NRXN3: variants seen among roughly 807,000 people sequenced by gnomAD.
NRXN3 encodes neurexin 3.
A neutral mutation model predicts 137.6 loss-of-function variants in NRXN3; 32 were observed. The observed-to-expected ratio is 0.23, with a 90% confidence interval of 0.18 to 0.31. The LOEUF (loss-of-function observed/expected upper bound fraction) is 0.31. Ranked by LOEUF, NRXN3 falls within the 10% of genes least tolerant of loss-of-function variation. NRXN3 has a pLI of 1.00. For missense variants in NRXN3, 1,574 were observed against 2,062.5 expected, an observed-to-expected ratio of 0.76 and a Z score of 4.59; for synonymous variants, 798 against 784.5, an observed-to-expected ratio of 1.02 and a Z score of -0.29.
chr14:78,515,773 A>G (rs895619178), intron 4 of NRXN3, among the ~76,000 whole-genome samples: 4 of 152,024 alleles, frequency 2.6e-5, no homozygotes, highest in African/African-American at 7.2e-5. Context: ...ATTTGAGGGG[A>G]AAAGAAAAAG....
intron 4 of NRXN3, among the ~76,000 whole-genome samples, chr14:78,401,425 A>G (rs565887086): frequency 7.9e-5 from 12 of 152,266 alleles, no homozygotes; most frequent in African/African-American, 2.6e-4. Context: ...TGAGCCTCCC[A>G]AAGTGCTGGG....
intron 1 of NRXN3, among the ~76,000 whole-genome samples, chr14:78,205,686 G>A (rs891153113): frequency 8.5e-5 from 13 of 152,200 alleles, no homozygotes; most frequent in African/African-American, 3.1e-4. Flanking sequence ...TGCAGGATGA[G>A]AGGGATGCAT....
rs138027471 is a variant in NRXN3, at chr14:79,365,744, AG to A, written c.3263-101476del. Among the ~76,000 whole-genome samples, 115 of 141,422 alleles carry A rather than the reference AG, an allele frequency of 8.1e-4. 14 individuals are homozygous for A. Among genetic ancestry groups the A allele is most frequent in the African/African-American group, 1.4e-3 (54 of 37,730 alleles). The allele number at this position is 141,422 out of a possible 152,430, so 92.8% of individuals were successfully genotyped here. A position where few individuals can be genotyped will look rare whatever the true frequency, so the allele number is the denominator to read the frequency against. ...CTGTCTCAAAAAAAAAAAAAAAAAAAGAAAAAAAAGAAGAGTTTTATTAAAC... is the reference window on the plus strand; with the variant it reads ...CTGTCTCAAAAAAAAAAAAAAAAAAAAAAAAAAAGAAGAGTTTTATTAAAC... On this transcript the variant is annotated intron_variant, in intron 15 of 20. Coordinates refer to ENST00000335750, the MANE Select transcript of NRXN3 (RefSeq NM_001330195.2).
chr14:79,300,589 A>G (rs1237413784), intron 15 of NRXN3, among the ~76,000 whole-genome samples: 1 of 152,006 alleles, frequency 6.6e-6, no homozygotes, highest in African/African-American at 2.4e-5. Flanking sequence ...TCATTTGGCT[A>G]ATGTTGACTG....
At chr14:79,536,624 A>G (rs1013082763) in intron 16 of NRXN3, among the ~76,000 whole-genome samples, 1 of 151,944 alleles carries the variant, frequency 6.6e-6, no homozygotes, top group Non-Finnish European at 1.5e-5. Flanking sequence ...TCTACTCCCC[A>G]GCAGGCCCCA....
At chr14:79,541,631 C>T (rs2097273757) in intron 16 of NRXN3, among the ~76,000 whole-genome samples, 1 of 152,172 alleles carries the variant, frequency 6.6e-6, no homozygotes, top group Non-Finnish European at 1.5e-5. Context: ...GTCTCCCAGA[C>T]ACTCATGTAC....
At chr14:78,251,720 C>T (rs2068657595) in intron 2 of NRXN3, among the ~76,000 whole-genome samples, 1 of 152,142 alleles carries the variant, frequency 6.6e-6, no homozygotes, top group Non-Finnish European at 1.5e-5. Flanking sequence ...CTAGGATATC[C>T]ACTGGGAAAA....
At chr14:78,959,844 G>A (rs1357856836) in intron 11 of NRXN3, among the ~76,000 whole-genome samples, 1 of 152,028 alleles carries the variant, frequency 6.6e-6, no homozygotes, top group East Asian at 1.9e-4. Flanking sequence ...GTCTCTGAAG[G>A]GTGATGGGAT....
chr14:79,372,991 A>T (rs923221422), intron 15 of NRXN3, among the ~76,000 whole-genome samples: 4 of 152,240 alleles, frequency 2.6e-5, no homozygotes, highest in Admixed American at 1.3e-4. Flanking sequence ...CCTTGAGTTT[A>T]CTTCATTTTA....
intron 8 of NRXN3, among the ~76,000 whole-genome samples, chr14:78,719,588 T>A (rs1355635618): frequency 6.6e-6 from 1 of 152,122 alleles, no homozygotes; most frequent in African/African-American, 2.4e-5. Flanking sequence ...ATGCCTGTAA[T>A]CCCAGCACTT....
chr14:78,583,723 C>T (rs896054511), intron 4 of NRXN3, among the ~76,000 whole-genome samples: 17 of 152,104 alleles, frequency 1.1e-4, no homozygotes, highest in African/African-American at 3.9e-4. Flanking sequence ...ATGATGTGCA[C>T]GGTGGGTAAC....
intron 4 of NRXN3, among the ~76,000 whole-genome samples, chr14:78,593,362 G>A (rs375317264): frequency 3.2e-4 from 49 of 152,274 alleles, no homozygotes; most frequent in African/African-American, 1.1e-3. Flanking sequence ...GAGCATGGAG[G>A]CCTTCTGAGA....
chr14:78,483,240 G>T (rs541605716), intron 4 of NRXN3, among the ~76,000 whole-genome samples: 2 of 152,128 alleles, frequency 1.3e-5, no homozygotes. Context: ...CCCCTTCTAC[G>T]TGACTCTGTC....
chr14:79,845,558 C>CAG lies in NRXN3; in HGVS notation c.4094-15770_4094-15769dup, dbSNP rs757669100. The stretch of plus-strand genomic sequence containing the variant: ...GGGGCTGGAGAGAGACAAGGATAGA[C>CAG]AGAGAGAGAGAGAGACCGACCCAGA... On this transcript the variant is annotated intron_variant, in intron 20 of 20. Transcript: ENST00000335750. 9.9e-5 allele frequency among the ~76,000 whole-genome samples: 14 copies of CAG among 141,636 alleles called. 1 individual carries two copies. The highest frequency in any genetic ancestry group is 6.5e-4 in the East Asian group (3 of 4,646). 92.9% of individuals were successfully genotyped at this position (141,636 alleles called of 152,430 possible).
At chr14:79,458,411 G>A (rs902172661) in intron 15 of NRXN3, among the ~76,000 whole-genome samples, 7 of 152,110 alleles carry the variant, frequency 4.6e-5, no homozygotes, top group Non-Finnish European at 1.0e-4. Flanking sequence ...TGACAAAAAG[G>A]CAAGATGAAT....
At chr14:79,495,953 AAAAAAAC>A (rs911965688) in intron 16 of NRXN3, among the ~76,000 whole-genome samples, 9 of 151,658 alleles carry the variant, frequency 5.9e-5, no homozygotes, top group Admixed American at 3.3e-4. Context: ...GTGCTAAAAA[AAAAAAAC>A]AAAAAACAAA....
chr14:79,217,893 A>G (rs2068824455), intron 15 of NRXN3, among the ~76,000 whole-genome samples: 1 of 152,234 alleles, frequency 6.6e-6, no homozygotes, highest in South Asian at 2.1e-4. Context: ...GTTTAGTTAC[A>G]TGACTGAAAT....
intron 16 of NRXN3, among the ~76,000 whole-genome samples, chr14:79,468,609 A>G (rs537266369): frequency 2.0e-5 from 3 of 152,336 alleles, no homozygotes; most frequent in African/African-American, 7.2e-5. Flanking sequence ...ATACAATTTC[A>G]TTGCTGGTCT....
At chr14:79,169,005 A>G (rs1596734447) in intron 15 of NRXN3, among the ~76,000 whole-genome samples, 1 of 152,042 alleles carries the variant, frequency 6.6e-6, no homozygotes, top group Non-Finnish European at 1.5e-5. Context: ...AGAATATGTG[A>G]TTATCAGTTG....
Sources: gnomAD v4.1 joint callset for allele counts (sites outside exome capture counted in the v4.1 genomes callset) on GRCh38, gnomAD v4.1.1 for gene constraint, MANE v1.5 for transcripts, NCBI Gene and HGNC (gene_info 2026-07-23, HGNC 2026-07-21) for gene names.